AGPS: variants seen among roughly 807,000 people sequenced by gnomAD.
AGPS encodes alkylglycerone phosphate synthase.
AGPS carries 26 observed loss-of-function variants against 90.7 expected under a neutral mutation model. The observed-to-expected ratio is 0.29, with a 90% CI of 0.21 to 0.40. The LOEUF (loss-of-function observed/expected upper bound fraction) is 0.40, where lower values mean the gene tolerates loss of function less well. Ranked by LOEUF, AGPS falls within the 10% of genes least tolerant of loss-of-function variation. The probability of loss-of-function intolerance (pLI) is 1.00; values close to 1 mark genes in which losing one functional copy is unlikely to be tolerated. For synonymous variants in AGPS, 294 were observed against 285.3 expected (o/e 1.03, Z -0.31); for missense variants, 540 against 816.1 (o/e 0.66, Z 4.12).
At chr2:177,448,936 C>T (rs563787991) in intron 8 of AGPS, among the ~76,000 whole-genome samples, 52 of 152,156 alleles carry the variant, frequency 3.4e-4, no homozygotes, top group Non-Finnish European at 7.1e-4. Flanking sequence ...TGGAATCCTA[C>T]AGTATGTATG....
At position 177,467,595 on chromosome 2, in the gene AGPS, T is replaced by C. The variant is rs573435071; in HGVS notation, c.997-821T>C. Among the ~76,000 whole-genome samples, 248 of 152,304 alleles carry C rather than the reference T, an allele frequency of 1.6e-3. 1 individual carries two copies. The highest frequency in any genetic ancestry group is 5.7e-3 in the African/African-American group (235 of 41,584). On this transcript the variant is annotated intron_variant, in intron 9 of 19. Transcript: ENST00000264167. ...TGTAATTTACTGGACGTCTTATTTA[T>C]GTTTTTGTATTTTGTTAATTGCTAG...
At chr2:177,488,262 G>A (rs1217160022) in intron 11 of AGPS, among the ~76,000 whole-genome samples, 1 of 151,448 alleles carries the variant, frequency 6.6e-6, no homozygotes, top group East Asian at 1.9e-4. Context: ...ACCCAGGCTG[G>A]AGTGCAGTGG....
At position 177,445,626 on chromosome 2, in the gene AGPS, G is replaced by A. The variant is rs534985206; in HGVS notation, c.870G>A (p.Gln290=). 5.7e-6 allele frequency: 9 copies of A among 1,581,334 alleles called. No homozygotes were observed. The African/African-American group carries it at 9.5e-5, about 17-fold the overall frequency. Residue 290 remains glutamine, a splice_region_variant and synonymous_variant, in exon 8 of 20, where the codon CAG becomes CAA. Coordinates refer to ENST00000264167, the MANE Select transcript of AGPS (RefSeq NM_003659.4). ...AGITGQELER[Q]LKESGYCTGH... ...TAACAGGACAAGAGTTGGAAAGACAGGTATGTTATTTATTTTTCTTATTTT... is the reference window on the plus strand; with the variant it reads ...TAACAGGACAAGAGTTGGAAAGACAAGTATGTTATTTATTTTTCTTATTTT...
chr2:177,477,660 C>T (rs1687822639), intron 10 of AGPS, among the ~76,000 whole-genome samples: 1 of 152,142 alleles, frequency 6.6e-6, no homozygotes, highest in Non-Finnish European at 1.5e-5. Context: ...TTCAACATTT[C>T]TAGACATAGA....
chr2:177,507,290 TG>T (rs1439201059), intron 15 of AGPS, among the ~76,000 whole-genome samples: 1 of 152,158 alleles, frequency 6.6e-6, no homozygotes, highest in Non-Finnish European at 1.5e-5. Flanking sequence ...TTAAAATCTC[TG>T]GACTTCTGTG....
intron 8 of AGPS, among the ~76,000 whole-genome samples, chr2:177,450,051 A>G (rs1686893130): frequency 6.6e-6 from 1 of 151,934 alleles, no homozygotes; most frequent in Non-Finnish European, 1.5e-5. Context: ...GTTAGCCAGG[A>G]TGGTCTTGAT....
At chr2:177,446,610 A>G (rs1298971236) in intron 8 of AGPS, among the ~76,000 whole-genome samples, 1 of 152,132 alleles carries the variant, frequency 6.6e-6, no homozygotes, top group Non-Finnish European at 1.5e-5. Flanking sequence ...GGCCTTATAA[A>G]GCCCCTTTTA....
Position 177,506,946 on chromosome 2 carries a change from A to G in AGPS, c.1546-1024A>G, listed in dbSNP as rs146088296. On this transcript the variant is annotated intron_variant, in intron 15 of 19. Transcript: ENST00000264167. ...AAAATGAAATATAACTGTAACAAGT[A>G]CAGCATAGACACAATTTGGAGTATC... Among the ~76,000 whole-genome samples, 808 of 152,204 alleles carry G rather than the reference A, an allele frequency of 5.3e-3. 8 individuals carry two copies. The highest frequency in any genetic ancestry group is 0.01 in the Middle Eastern group (3 of 294).
chr2:177,481,926 GCCATTATTCC>G lies in AGPS; in HGVS notation c.1106-129_1106-120del, dbSNP rs140823121. ...AATTTTTTCTAGAATGACTTGAGTA[GCCATTATTCC>G]CCAGGTAGACTTGATAAATTTAAAT... On this transcript the variant is annotated intron_variant, in intron 10 of 19. Coordinates refer to ENST00000264167, the MANE Select transcript of AGPS (RefSeq NM_003659.4). 0.16 allele frequency: 132,785 copies of G among 822,074 alleles called. 10,689 individuals are homozygous for G. Among genetic ancestry groups the G allele is most frequent in the East Asian group, 0.37 (9,320 of 25,520 alleles). The allele number at this position is 822,074 out of a possible 1,614,324, so 50.9% of individuals were successfully genotyped here. A position where few individuals can be genotyped will look rare whatever the true frequency, so the allele number is the denominator to read the frequency against.
At chr2:177,444,028 C>G (rs1382247986) in intron 7 of AGPS, among the ~76,000 whole-genome samples, 2 of 152,100 alleles carry the variant, frequency 1.3e-5, no homozygotes, top group African/African-American at 4.8e-5. Context: ...ACCATCAGAT[C>G]AATAAATTCT....
intron 11 of AGPS, among the ~76,000 whole-genome samples, chr2:177,491,146 A>ACATT (rs1431351844): frequency 6.6e-6 from 1 of 150,378 alleles, no homozygotes; most frequent in East Asian, 2.0e-4. Flanking sequence ...GAGCCGCCAT[A>ACATT]CCCAGCCTAG....
intron 1 of AGPS, among the ~76,000 whole-genome samples, chr2:177,404,941 A>T (rs544827819): frequency 6.6e-6 from 1 of 152,286 alleles, no homozygotes; most frequent in Non-Finnish European, 1.5e-5. Context: ...CTAATGAGGG[A>T]TATTTGTTAT....
intron 10 of AGPS, among the ~76,000 whole-genome samples, chr2:177,476,575 A>G (rs1396577229): frequency 1.3e-5 from 2 of 151,990 alleles, no homozygotes; most frequent in Non-Finnish European, 2.9e-5. Flanking sequence ...TTATTTTATG[A>G]CCTCGCTAGC....
chr2:177,393,094 CG>C (rs1445932780), intron 1 of AGPS, 45 bp downstream of exon 1: 2 of 1,550,006 alleles, frequency 1.3e-6, no homozygotes, highest in East Asian at 4.9e-5. Context: ...GGGACCAGGC[CG>C]GGCCTGTGCT....
rs746939822 is a variant in AGPS at position 177,437,019 on chromosome 2, T to C, written c.602T>C (p.Met201Thr). 1.9e-6 allele frequency: 3 copies of C among 1,613,550 alleles called. No homozygotes were observed. The change falls in exon 5 of 20, where the codon ATG becomes ACG. Residue 201 changes from methionine (M) to threonine (T), a missense_variant. Physicochemically the swap from Met to Thr is moderately conservative, Grantham distance 81 (BLOSUM62 -1). Around this residue, in one of 2 missense-constraint regions of AGPS, gnomAD observed 405 missense variants for 692.1 expected, o/e 0.59. Coordinates refer to ENST00000264167, the MANE Select transcript of AGPS (RefSeq NM_003659.4). ...LHEIFLLREGMFERIPDIVLW... is the reference protein window; with the variant it reads ...LHEIFLLREGTFERIPDIVLW... ...GAGATATTTTTGCTCAGGGAAGGAA[T>C]GTTTGAGCGAATTCCTGATATAGTT...
intron 3 of AGPS, 88 bp from the exon 4 acceptor site, chr2:177,436,675 AG>A: frequency 7.6e-7 from 1 of 1,314,096 alleles, no homozygotes; most frequent in Non-Finnish European, 1.1e-6. Context: ...TTTAAAAAAA[AG>A]TCTACATTTT....
At chr2:177,513,725 C>G in intron 16 of AGPS, 94 bp from the exon 17 acceptor site, 2 of 904,650 alleles carry the variant, frequency 2.2e-6, no homozygotes, top group South Asian at 1.4e-5. Context: ...AAGAAAATGT[C>G]AGACTTGAAT....
At chr2:177,495,928 A>C (rs1688401027) in intron 12 of AGPS, among the ~76,000 whole-genome samples, 2 of 151,450 alleles carry the variant, frequency 1.3e-5, no homozygotes, top group South Asian at 4.2e-4. Context: ...AAAAAAAAAA[A>C]AAAAAAAAAA....
intron 8 of AGPS, among the ~76,000 whole-genome samples, chr2:177,456,778 A>G (rs1687129291): frequency 1.3e-5 from 2 of 152,220 alleles, no homozygotes; most frequent in African/African-American, 4.8e-5. Context: ...TACTAGACAG[A>G]TCAACGAGAC....
Sources: allele counts gnomAD v4.1 joint callset (sites outside exome capture counted in the v4.1 genomes callset), GRCh38; gene constraint gnomAD v4.1.1; regional missense constraint gnomAD v4.1.1; transcripts MANE v1.5; gene names NCBI Gene and HGNC (gene_info 2026-07-23, HGNC 2026-07-21).